Variants in RIC1 observed in about 807,000 individuals in gnomAD.
RIC1 encodes the protein guanine nucleotide exchange factor subunit RIC1.
In RIC1, 88 loss-of-function variants were observed where a neutral mutation model predicts 169.0. The observed-to-expected ratio is 0.52, with a 90% CI of 0.44 to 0.62. RIC1 has a LOEUF of 0.62. Ranked by LOEUF, RIC1 falls within the 20% of genes least tolerant of loss-of-function variation. RIC1 has a pLI of 0.00. For missense variants in RIC1, 1,877 were observed against 1,725.5 expected, an observed-to-expected ratio of 1.09 and a Z score of -1.56; for synonymous variants, 790 against 601.5, an observed-to-expected ratio of 1.31 and a Z score of -4.59.
At chr9:5,706,536 T>C (rs1268207329) in intron 3 of RIC1, among the ~76,000 whole-genome samples, 2 of 152,166 alleles carry the variant, frequency 1.3e-5, no homozygotes, top group African/African-American at 4.8e-5. Flanking sequence ...TGTTCATTCT[T>C]ATTTAAATAT....
chr9:5,659,778 A>G (rs1163266666), intron 2 of RIC1, among the ~76,000 whole-genome samples: 1 of 152,034 alleles, frequency 6.6e-6, no homozygotes, highest in African/African-American at 2.4e-5. Context: ...TGCTATTGTA[A>G]ATGGAATTGT....
At chr9:5,676,349 G>A (rs1820440276) in intron 2 of RIC1, among the ~76,000 whole-genome samples, 1 of 152,112 alleles carries the variant, frequency 6.6e-6, no homozygotes, top group Non-Finnish European at 1.5e-5. Flanking sequence ...TGAATTAACG[G>A]TGTACTTGAA....
At chr9:5,637,243 A>AT (rs1307238361) in intron 1 of RIC1, among the ~76,000 whole-genome samples, 5 of 151,206 alleles carry the variant, frequency 3.3e-5, no homozygotes, top group Admixed American at 6.6e-5. Flanking sequence ...TTTTTCTGTA[A>AT]TTTTTTATAG....
chr9:5,712,181 C>T (rs1822971838), intron 3 of RIC1, among the ~76,000 whole-genome samples: 1 of 152,162 alleles, frequency 6.6e-6, no homozygotes, highest in African/African-American at 2.4e-5. Flanking sequence ...AACTAGTTTG[C>T]AGTCCCACCA....
intron 6 of RIC1, among the ~76,000 whole-genome samples, chr9:5,729,675 A>G (rs56242122): frequency 0.03 from 4,550 of 152,188 alleles, 109 homozygotes; most frequent in African/African-American, 0.054. Flanking sequence ...TAAGTTTTTA[A>G]TGGCCTTTTT....
intron 17 of RIC1, among the ~76,000 whole-genome samples, chr9:5,761,137 G>T (rs7027995): frequency 8.0e-6 from 1 of 125,584 alleles, no homozygotes; most frequent in African/African-American, 3.3e-5. Context: ...TTTTTGAGAC[G>T]GAGTCTTGCT....
intron 2 of RIC1, among the ~76,000 whole-genome samples, chr9:5,674,213 G>C (rs557024170): frequency 6.6e-6 from 1 of 151,950 alleles, no homozygotes. Flanking sequence ...GTTACTTTCT[G>C]TGTTTCTTGG....
intron 2 of RIC1, among the ~76,000 whole-genome samples, chr9:5,675,358 T>A (rs1820379214): frequency 6.6e-6 from 1 of 152,126 alleles, no homozygotes; most frequent in Non-Finnish European, 1.5e-5. Context: ...GATTGCTTTA[T>A]GAGGAAGTTA....
rs186558553 is a variant in RIC1, at chr9:5,725,487, G to A, written c.720+4737G>A. Among the ~76,000 whole-genome samples, 9 of 151,914 alleles carry A rather than the reference G, an allele frequency of 5.9e-5. No individual in the cohort carries two copies. In the East Asian group the frequency reaches 9.6e-4, roughly 16 times the overall value. ...GTCTTGCTAGTGGTCTATCAATTTC[G>A]TCAGTCTTTTCAAAAAACCAGCTCC... On this transcript the variant is annotated intron_variant, in intron 6 of 25. Coordinates refer to ENST00000414202, the MANE Select transcript of RIC1 (RefSeq NM_020829.4).
chr9:5,726,042 G>A (rs1823957800), intron 6 of RIC1, among the ~76,000 whole-genome samples: 1 of 152,150 alleles, frequency 6.6e-6, no homozygotes, highest in African/African-American at 2.4e-5. Context: ...GATTTGGGGT[G>A]GAGAGTTCTG....
intron 2 of RIC1, among the ~76,000 whole-genome samples, chr9:5,658,514 A>G (rs979630811): frequency 2.0e-5 from 3 of 152,102 alleles, no homozygotes. Flanking sequence ...TGAATTGACT[A>G]AGAATTACTG....
intron 2 of RIC1, among the ~76,000 whole-genome samples, chr9:5,682,034 T>C (rs1820877008): frequency 6.6e-6 from 1 of 152,194 alleles, no homozygotes; most frequent in Non-Finnish European, 1.5e-5. Context: ...CATCCCTTTA[T>C]TTTGAGCCTA....
intron 3 of RIC1, among the ~76,000 whole-genome samples, chr9:5,695,876 T>A (rs774688364): frequency 3.3e-5 from 5 of 152,102 alleles, no homozygotes; most frequent in African/African-American, 1.2e-4. Flanking sequence ...CGGCCTATTA[T>A]GTCTTCTTAA....
intron 2 of RIC1, among the ~76,000 whole-genome samples, chr9:5,661,474 T>C (rs1360801834): frequency 6.6e-6 from 1 of 152,218 alleles, no homozygotes; most frequent in Admixed American, 6.5e-5. Context: ...GAACATGGAA[T>C]GTTTTTCCAT....
At chr9:5,672,048 A>G (rs1446690810) in intron 2 of RIC1, among the ~76,000 whole-genome samples, 1 of 152,206 alleles carries the variant, frequency 6.6e-6, no homozygotes, top group African/African-American at 2.4e-5. Flanking sequence ...AGTTGCTGCC[A>G]CACCTCATGG....
At chr9:5,633,270 T>G (rs145855230) in intron 1 of RIC1, among the ~76,000 whole-genome samples, 23 of 152,250 alleles carry the variant, frequency 1.5e-4, no homozygotes, top group African/African-American at 5.3e-4. Context: ...ACCATTTTAT[T>G]TGTATTTTCC....
intron 6 of RIC1, among the ~76,000 whole-genome samples, chr9:5,723,166 C>G (rs1180374425): frequency 6.6e-6 from 1 of 152,196 alleles, no homozygotes; most frequent in African/African-American, 2.4e-5. Flanking sequence ...AGTTTACAGT[C>G]CCACCAACAG....
intron 1 of RIC1, among the ~76,000 whole-genome samples, chr9:5,633,263 A>T (rs1296835264): frequency 6.6e-6 from 1 of 152,136 alleles, no homozygotes; most frequent in Non-Finnish European, 1.5e-5. Context: ...CAGGAAGACC[A>T]TTTTATTTGT....
chr9:5,777,840 A>AT (rs1827671854), downstream of RIC1, among the ~76,000 whole-genome samples: 1 of 152,168 alleles, frequency 6.6e-6, no homozygotes, highest in Admixed American at 6.5e-5. Flanking sequence ...ATATCTTCTT[A>AT]TGCCAATACC....
Sources: gnomAD v4.1 joint callset for allele counts (sites outside exome capture counted in the v4.1 genomes callset) on GRCh38, gnomAD v4.1.1 for gene constraint, MANE v1.5 for transcripts, NCBI Gene and HGNC (gene_info 2026-07-23, HGNC 2026-07-21) for gene names.